EPHB1: variants seen among roughly 807,000 people sequenced by gnomAD.
EPHB1 encodes the protein EPH receptor B1, also known as ephrin type-B receptor 1.
A neutral mutation model predicts 94.4 loss-of-function variants in EPHB1; 30 were observed. The observed-to-expected ratio is 0.32, with a 90% CI of 0.24 to 0.43. EPHB1 has a LOEUF of 0.43. EPHB1 is among the 20% of genes least tolerant of loss of function. The pLI is 1.00. For missense variants in EPHB1, 1,055 were observed against 1,308.3 expected (o/e 0.81, Z 2.99); for synonymous variants, 522 against 489.1 (o/e 1.07, Z -0.89).
At chr3:134,940,670 G>A (rs1230344985) in intron 2 of EPHB1, among the ~76,000 whole-genome samples, 2 of 152,092 alleles carry the variant, frequency 1.3e-5, no homozygotes, top group South Asian at 2.1e-4. Flanking sequence ...CAGCTCAAAG[G>A]GAGATCTTCC....
At chr3:134,974,216 G>A (rs535467934) in intron 3 of EPHB1, among the ~76,000 whole-genome samples, 17 of 152,102 alleles carry the variant, frequency 1.1e-4, no homozygotes, top group Non-Finnish European at 1.6e-4. Context: ...GCACGCGTGC[G>A]CACACATACA....
At chr3:134,821,793 A>G (rs1012386605) in intron 1 of EPHB1, among the ~76,000 whole-genome samples, 6 of 152,158 alleles carry the variant, frequency 3.9e-5, no homozygotes, top group Admixed American at 6.5e-5. Flanking sequence ...TGACACTGGG[A>G]GGCTGGGGGA....
intron 1 of EPHB1, among the ~76,000 whole-genome samples, chr3:134,916,256 C>A (rs1358134195): frequency 6.6e-6 from 1 of 152,228 alleles, no homozygotes; most frequent in Non-Finnish European, 1.5e-5. Flanking sequence ...AAAGGTTCTC[C>A]AAGTCCCCAC....
At chr3:135,157,283 G>A (rs1941381802) in intron 6 of EPHB1, among the ~76,000 whole-genome samples, 2 of 152,292 alleles carry the variant, frequency 1.3e-5, no homozygotes, top group African/African-American at 4.8e-5. Flanking sequence ...TCAGTGGGTA[G>A]CCAGGGCAGG....
intron 2 of EPHB1, among the ~76,000 whole-genome samples, chr3:134,947,784 T>C (rs969006767): frequency 6.6e-6 from 1 of 152,150 alleles, no homozygotes; most frequent in African/African-American, 2.4e-5. Context: ...GTAGAAATCC[T>C]CATGCTGCTT....
At chr3:134,917,358 C>T (rs1021808021) in intron 1 of EPHB1, among the ~76,000 whole-genome samples, 1 of 152,210 alleles carries the variant, frequency 6.6e-6, no homozygotes, top group Non-Finnish European at 1.5e-5. Context: ...CTTCCCATGT[C>T]CCCATGCTCT....
Position 135,132,894 on chromosome 3 carries a change from C to T in EPHB1, c.1142C>T (p.Pro381Leu), listed in dbSNP as rs2107687389. ...SRCDDNVEFV[P>L]RQLGLTECRV... ...TGTGACGACAATGTGGAGTTTGTGC[C>T]CAGGCAGCTGGGCCTGACGGAGTGC... is the stretch of plus-strand genomic sequence containing the variant. The change falls in exon 5 of 16, where the codon CCC becomes CTC. Residue 381 changes from proline to leucine, a missense_variant. Transcript: ENST00000398015. The T allele has an allele frequency of 6.2e-7, 1 of 1,614,020 alleles. No homozygotes were observed.
At chr3:134,814,704 G>A (rs191903243) in intron 1 of EPHB1, among the ~76,000 whole-genome samples, 1 of 152,234 alleles carries the variant, frequency 6.6e-6, no homozygotes, top group Non-Finnish European at 1.5e-5. Flanking sequence ...GAAAGCCCAG[G>A]AGGAGTTCCT....
chr3:134,817,868 A>C (rs2108288679), intron 1 of EPHB1, among the ~76,000 whole-genome samples: 1 of 152,362 alleles, frequency 6.6e-6, no homozygotes, highest in South Asian at 2.1e-4. Flanking sequence ...CAATATCCCA[A>C]GCCCCTGCCC....
At position 135,178,225 on chromosome 3, in the gene EPHB1, G is replaced by A. The variant is rs1029682095; in HGVS notation, c.1760-1635G>A. On this transcript the variant is annotated intron_variant, in intron 9 of 15. Transcript: ENST00000398015. ...TCCCAGCACTTTGGGAGGCCGGGGA[G>A]GGGGGGTGGATCATGAGGTCGGGAG... Among the ~76,000 whole-genome samples the A allele has an allele frequency of 1.9e-4, 9 of 48,360 alleles. 1 individual carries two copies. Among genetic ancestry groups the A allele is most frequent in the South Asian group, 1.0e-3 (1 of 990 alleles). 31.7% of individuals were successfully genotyped at this position (48,360 alleles called of 152,430 possible).
chr3:135,250,795 C>G (rs1348783376), intron 15 of EPHB1, among the ~76,000 whole-genome samples: 1 of 152,258 alleles, frequency 6.6e-6, no homozygotes, highest in East Asian at 1.9e-4. Flanking sequence ...ATCTGGCAGC[C>G]TGTAGTACAC....
At chr3:134,855,341 T>G (rs1224078253) in intron 1 of EPHB1, among the ~76,000 whole-genome samples, 1 of 152,168 alleles carries the variant, frequency 6.6e-6, no homozygotes, top group Non-Finnish European at 1.5e-5. Flanking sequence ...GGCTTTGGAC[T>G]GGGGTGATGG....
chr3:134,905,673 TC>T (rs1432698245), intron 1 of EPHB1, among the ~76,000 whole-genome samples: 11 of 152,216 alleles, frequency 7.2e-5, no homozygotes, highest in African/African-American at 2.7e-4. Context: ...TCTGGCCTCC[TC>T]TTTTCCTGTG....
At chr3:135,144,609 T>A (rs2107691535) in intron 5 of EPHB1, among the ~76,000 whole-genome samples, 1 of 152,164 alleles carries the variant, frequency 6.6e-6, no homozygotes, top group Admixed American at 6.5e-5. Flanking sequence ...GTGCTATAAA[T>A]CCACATTCCC....
At chr3:135,043,097 T>C (rs972256020) in intron 3 of EPHB1, among the ~76,000 whole-genome samples, 4 of 151,976 alleles carry the variant, frequency 2.6e-5, no homozygotes, top group Non-Finnish European at 4.4e-5. Flanking sequence ...CTGCCTCAGA[T>C]TCCCAAAGAG....
chr3:135,181,842 T>C (rs1942160670), intron 10 of EPHB1, among the ~76,000 whole-genome samples: 1 of 152,238 alleles, frequency 6.6e-6, no homozygotes, highest in African/African-American at 2.4e-5. Flanking sequence ...CATTTGCCAG[T>C]GCTGCCATGT....
chr3:135,130,014 T>C (rs1041080548), intron 4 of EPHB1, among the ~76,000 whole-genome samples: 3 of 152,110 alleles, frequency 2.0e-5, no homozygotes, highest in African/African-American at 7.2e-5. Context: ...GGCAACCATT[T>C]TGGATAGTCA....
At chr3:135,151,543 C>G (rs1027457713) in intron 5 of EPHB1, among the ~76,000 whole-genome samples, 5 of 152,132 alleles carry the variant, frequency 3.3e-5, no homozygotes, top group Non-Finnish European at 5.9e-5. Flanking sequence ...GCTTATGATT[C>G]ATTTATTAGC....
chr3:135,052,187 G>A (rs1433577762), intron 3 of EPHB1, among the ~76,000 whole-genome samples: 1 of 152,182 alleles, frequency 6.6e-6, no homozygotes, highest in African/African-American at 2.4e-5. Context: ...TCAAACTGGA[G>A]TTATATAAAG....
Sources: allele counts gnomAD v4.1 joint callset (sites outside exome capture counted in the v4.1 genomes callset), GRCh38; gene constraint gnomAD v4.1.1; transcripts MANE v1.5; gene names NCBI Gene and HGNC (gene_info 2026-07-23, HGNC 2026-07-21).